Variants in KCTD8 observed in about 807,000 individuals in gnomAD.
The protein encoded by KCTD8 is BTB/POZ domain-containing protein KCTD8.
In KCTD8, 27 loss-of-function variants were observed where a neutral mutation model predicts 31.5. The observed-to-expected ratio is 0.86, with a 90% CI of 0.63 to 1.18. KCTD8 has a LOEUF of 1.18. Among genes scored for constraint, KCTD8 ranks in the 50% most tolerant of loss-of-function variants. KCTD8 has a pLI of 0.00. For synonymous variants in KCTD8, 290 were observed against 280.0 expected, an observed-to-expected ratio of 1.04 and a Z score of -0.36; for missense variants, 658 against 647.7, an observed-to-expected ratio of 1.02 and a Z score of -0.17.
chr4:44,361,282 A>G (rs1441672420), intron 1 of KCTD8, among the ~76,000 whole-genome samples: 1 of 152,076 alleles, frequency 6.6e-6, no homozygotes, highest in African/African-American at 2.4e-5. Context: ...AGTATGGAAA[A>G]TATACTAGAC....
intron 1 of KCTD8, among the ~76,000 whole-genome samples, chr4:44,205,882 C>T (rs1714289294): frequency 1.3e-5 from 2 of 152,100 alleles, no homozygotes; most frequent in African/African-American, 4.8e-5. Context: ...ATTATAGACC[C>T]CCTTCCACTC....
intron 1 of KCTD8, among the ~76,000 whole-genome samples, chr4:44,442,744 T>C (rs1314594695): frequency 6.6e-6 from 1 of 151,360 alleles, no homozygotes; most frequent in Non-Finnish European, 1.5e-5. Context: ...TATTTCTTTT[T>C]TCCAAAGAGG....
At chr4:44,266,384 C>T (rs1716367066) in intron 1 of KCTD8, among the ~76,000 whole-genome samples, 1 of 152,154 alleles carries the variant, frequency 6.6e-6, no homozygotes, top group Non-Finnish European at 1.5e-5. Flanking sequence ...ACAAGAGCTC[C>T]TGAAGGAAGC....
intron 1 of KCTD8, among the ~76,000 whole-genome samples, chr4:44,266,149 T>C (rs1201195368): frequency 6.6e-6 from 1 of 151,942 alleles, no homozygotes; most frequent in Non-Finnish European, 1.5e-5. Context: ...GAGAGAAAGG[T>C]TGGGTTACCC....
chr4:44,217,357 G>A (rs1298462561), intron 1 of KCTD8, among the ~76,000 whole-genome samples: 2 of 152,160 alleles, frequency 1.3e-5, no homozygotes, highest in East Asian at 3.8e-4. Flanking sequence ...GGGAAGTGTG[G>A]AGACTGTCAA....
intron 1 of KCTD8, among the ~76,000 whole-genome samples, chr4:44,188,072 C>A (rs979698004): frequency 2.0e-5 from 3 of 151,552 alleles, no homozygotes; most frequent in Non-Finnish European, 4.4e-5. Flanking sequence ...CCAGCAGGAG[C>A]CATAGTTGAG....
rs1713146268 is a variant in KCTD8, at chr4:44,174,705, C to T, written c.*85G>A. On this transcript the variant is annotated 3_prime_UTR_variant, in exon 2 of 2. Transcript: ENST00000360029. ...ACAAGGAAGAGCAGCAAGAATCACA[C>T]TGACCATTGTTAGGACATCAGTCAG... 2 of 991,622 alleles carry T rather than the reference C, an allele frequency of 2.0e-6. No individual in the cohort carries two copies. Among genetic ancestry groups the T allele is most frequent in the Admixed American group, 2.2e-5 (1 of 45,306 alleles). 61.4% of individuals were successfully genotyped at this position (991,622 alleles called of 1,614,324 possible).
chr4:44,184,440 G>T (rs1713521849), intron 1 of KCTD8, among the ~76,000 whole-genome samples: 1 of 151,978 alleles, frequency 6.6e-6, no homozygotes, highest in Non-Finnish European at 1.5e-5. Flanking sequence ...CAAAAGAAAA[G>T]AAAAGAAAAG....
chr4:44,310,086 T>C (rs776717090), intron 1 of KCTD8, among the ~76,000 whole-genome samples: 7 of 152,060 alleles, frequency 4.6e-5, no homozygotes, highest in Admixed American at 6.6e-5. Context: ...TTAGATTCAA[T>C]TGAGAAGAAA....
At chr4:44,266,244 T>G (rs993086865) in intron 1 of KCTD8, among the ~76,000 whole-genome samples, 3 of 151,942 alleles carry the variant, frequency 2.0e-5, no homozygotes, top group Non-Finnish European at 1.5e-5. Context: ...ATATTCAACA[T>G]TCTTAAAGAA....
intron 1 of KCTD8, among the ~76,000 whole-genome samples, chr4:44,360,303 G>T (rs555115961): frequency 2.6e-5 from 4 of 152,044 alleles, no homozygotes; most frequent in Middle Eastern, 3.4e-3. Flanking sequence ...AAAGACAAAA[G>T]AAGTTAAGAA....
intron 1 of KCTD8, among the ~76,000 whole-genome samples, chr4:44,279,531 A>G (rs1473793733): frequency 2.0e-5 from 3 of 152,074 alleles, no homozygotes. Flanking sequence ...GTCCACCAGG[A>G]TAATCCAAGA....
At chr4:44,439,014 T>A (rs73179351) in intron 1 of KCTD8, among the ~76,000 whole-genome samples, 18,252 of 152,168 alleles carry the variant, frequency 0.12, 2,424 homozygotes, top group African/African-American at 0.31. Context: ...TTTTTCAAGG[T>A]ATCTGATTTA....
At chr4:44,332,222 T>A (rs538547261) in intron 1 of KCTD8, among the ~76,000 whole-genome samples, 1 of 152,082 alleles carries the variant, frequency 6.6e-6, no homozygotes, top group African/African-American at 2.4e-5. Flanking sequence ...CCCAGTGTTT[T>A]TCCTGGTTTT....
Position 44,448,055 on chromosome 4 carries a change from T to C in KCTD8, c.469A>G (p.Asn157Asp). The C allele has an allele frequency of 6.2e-7, 1 of 1,611,014 alleles. No homozygotes were observed. The highest frequency in any genetic ancestry group is 1.1e-5 in the South Asian group (1 of 90,872). ...AGGTCGCTCTGGCAGCCCTCGTCGTTGAGAGAGTTCTGCTTGGTGACCTTG... is the reference window on the plus strand; with the variant it reads ...AGGTCGCTCTGGCAGCCCTCGTCGTCGAGAGAGTTCTGCTTGGTGACCTTG... ...SPKVTKQNSL[N>D]DEGCQSDLED... Residue 157 changes from asparagine to aspartate, a missense_variant, in exon 1 of 2, where the codon AAC becomes GAC. By Grantham distance (23) the Asn-to-Asp change is conservative. Coordinates refer to ENST00000360029, the MANE Select transcript of KCTD8 (RefSeq NM_198353.3). The surrounding 1 kb of genome is among the most constrained non-coding windows in gnomAD (Gnocchi z 4.1).
intron 1 of KCTD8, among the ~76,000 whole-genome samples, chr4:44,349,021 C>T (rs779476773): frequency 6.6e-6 from 1 of 152,016 alleles, no homozygotes; most frequent in Non-Finnish European, 1.5e-5. Flanking sequence ...TATAGAAAAA[C>T]TTAAATGATG....
intron 1 of KCTD8, among the ~76,000 whole-genome samples, chr4:44,192,372 C>T (rs1488685914): frequency 6.6e-6 from 1 of 151,722 alleles, no homozygotes; most frequent in Non-Finnish European, 1.5e-5. Context: ...ATTATTTAGC[C>T]TATTATTACT....
chr4:44,281,477 C>A (rs1373912207), intron 1 of KCTD8, among the ~76,000 whole-genome samples: 1 of 152,076 alleles, frequency 6.6e-6, no homozygotes, highest in East Asian at 1.9e-4. Flanking sequence ...TTCTTCTGGA[C>A]ACTACTCTGA....
Position 44,448,143 on chromosome 4 carries a change from C to T in KCTD8, c.381G>A (p.Lys127=). The part of the protein sequence containing the change: ...QLALPEHFPE[K]ERLLREAEYF... The stretch of plus-strand genomic sequence containing the variant: ...ACTCGGCCTCGCGCAGCAGCCGCTC[C>T]TTCTCGGGGAAGTGCTCCGGCAGCG... The change falls in exon 1 of 2, where the codon AAG becomes AAA. Residue 127 remains lysine, a synonymous_variant. Coordinates refer to ENST00000360029, the MANE Select transcript of KCTD8 (RefSeq NM_198353.3). This position sits in a 1 kb window ranked among gnomAD's most constrained non-coding sequence, Gnocchi z 4.1. 1.9e-6 allele frequency: 3 copies of T among 1,612,716 alleles called. No individual in the cohort carries two copies. Among genetic ancestry groups the T allele is most frequent in the Non-Finnish European group, 2.5e-6 (3 of 1,179,842 alleles).
Sources: gnomAD v4.1 joint callset for allele counts (sites outside exome capture counted in the v4.1 genomes callset) on GRCh38, gnomAD v4.1.1 for gene constraint, Gnocchi (gnomAD v3.1) non-coding constraint, MANE v1.5 for transcripts, NCBI Gene and HGNC (gene_info 2026-07-23, HGNC 2026-07-21) for gene names.